NETO2: variants seen among roughly 807,000 people sequenced by gnomAD.
The protein encoded by NETO2 is neuropilin and tolloid like 2.
NETO2 carries 28 observed loss-of-function variants against 62.5 expected under a neutral mutation model. That is an observed-to-expected ratio of 0.45 (90% confidence interval 0.33 to 0.61). The LOEUF is 0.61. Ranked by LOEUF, NETO2 falls within the 20% of genes least tolerant of loss-of-function variation. The probability of loss-of-function intolerance (pLI) is 0.02; values close to 1 mark genes in which losing one functional copy is unlikely to be tolerated. For synonymous variants in NETO2, 214 were observed against 219.1 expected (o/e 0.98, Z 0.21); for missense variants, 548 against 643.2 (o/e 0.85, Z 1.60).
intron 1 of NETO2, among the ~76,000 whole-genome samples, chr16:47,143,085 G>A (rs1359926118): frequency 1.3e-5 from 2 of 151,978 alleles, no homozygotes; most frequent in Non-Finnish European, 2.9e-5. Context: ...CCCGTTCCCC[G>A]CCGCGAGGTG....
chr16:47,085,298 CAATT>C lies in NETO2; in HGVS notation c.997+924_997+927del, dbSNP rs373706344. ...CAGGCTAACCTCTAAATTATTTTGA[CAATT>C]AAATAAGGTATGTTTACAATACAAA... On this transcript the variant is annotated intron_variant, in intron 8 of 8. Coordinates refer to ENST00000562435, the MANE Select transcript of NETO2 (RefSeq NM_018092.5). Among the ~76,000 whole-genome samples, 166 of 151,978 alleles carry C rather than the reference CAATT, an allele frequency of 1.1e-3. 1 individual carries two copies. Among genetic ancestry groups the C allele is most frequent in the African/African-American group, 3.9e-3 (161 of 41,436 alleles).
chr16:47,086,120 A>C (rs976869400), intron 8 of NETO2, 106 bp downstream of exon 8: 29 of 754,772 alleles, frequency 3.8e-5, no homozygotes, highest in Non-Finnish European at 6.5e-5. Context: ...AAACAAACAA[A>C]AAGCAGCTAT....
At chr16:47,129,852 T>C (rs538307404) in intron 2 of NETO2, among the ~76,000 whole-genome samples, 5 of 152,306 alleles carry the variant, frequency 3.3e-5, no homozygotes, top group Non-Finnish European at 7.3e-5. Flanking sequence ...TAAAAGGATT[T>C]TTAAAAGGGT....
chr16:47,129,707 G>C (rs1047729247), intron 2 of NETO2, among the ~76,000 whole-genome samples: 1 of 152,212 alleles, frequency 6.6e-6, no homozygotes, highest in Non-Finnish European at 1.5e-5. Flanking sequence ...GCTGATCTCT[G>C]ATATGGGGCC....
chr16:47,130,839 A>G (rs1964250889), intron 2 of NETO2, among the ~76,000 whole-genome samples: 1 of 152,110 alleles, frequency 6.6e-6, no homozygotes, highest in South Asian at 2.1e-4. Flanking sequence ...TGCTTCAGAG[A>G]CTGTAGGACC....
In NETO2 at chr16:47,084,159, T is replaced by C. The variant is rs376358505; in HGVS notation, c.998-358A>G. On this transcript the variant is annotated intron_variant, in intron 8 of 8. Transcript: ENST00000562435. ...CTGCTTTATGGTAGGTTTGACCAAC[T>C]GCTGTGTTCAGGTATACCCGCATCT... 1.2e-4 allele frequency among the ~76,000 whole-genome samples: 18 copies of C among 152,344 alleles called. No homozygotes were observed. In the East Asian group the frequency reaches 1.7e-3, roughly 15 times the overall value.
chr16:47,137,296 G>C (rs991680929), intron 1 of NETO2, among the ~76,000 whole-genome samples: 12 of 152,188 alleles, frequency 7.9e-5, no homozygotes, highest in African/African-American at 2.9e-4. Context: ...TGATCCACTG[G>C]GTCTGAGGCA....
chr16:47,132,216 GAA>G (rs960964714), intron 1 of NETO2, among the ~76,000 whole-genome samples, 191 bp from the exon 2 acceptor site: 1 of 151,424 alleles, frequency 6.6e-6, no homozygotes, highest in African/African-American at 2.4e-5. Flanking sequence ...GATAACCCAA[GAA>G]AAGACAAGTG....
At chr16:47,120,097 G>A (rs1324167216) in intron 6 of NETO2, among the ~76,000 whole-genome samples, 1 of 152,150 alleles carries the variant, frequency 6.6e-6, no homozygotes, top group Non-Finnish European at 1.5e-5. Context: ...TTATGGATCT[G>A]TCAATTTTCC....
chr16:47,124,003 A>G (rs1964099699), intron 4 of NETO2, among the ~76,000 whole-genome samples: 1 of 152,192 alleles, frequency 6.6e-6, no homozygotes, highest in African/African-American at 2.4e-5. Flanking sequence ...GGACTGGAAA[A>G]TCTATTTCAA....
chr16:47,097,221 G>A (rs541574966), intron 7 of NETO2, among the ~76,000 whole-genome samples: 8 of 152,342 alleles, frequency 5.3e-5, no homozygotes, highest in African/African-American at 1.9e-4. Flanking sequence ...GCCAAGTGGT[G>A]TAGTTCAGCA....
At chr16:47,140,591 A>C (rs895500752) in intron 1 of NETO2, among the ~76,000 whole-genome samples, 2 of 152,250 alleles carry the variant, frequency 1.3e-5, no homozygotes, top group Non-Finnish European at 2.9e-5. Context: ...ATTTACTACA[A>C]AAAAACCATT....
At position 47,083,433 on chromosome 16, in the gene NETO2, A is replaced by T. The variant is rs2231983; in HGVS notation, c.1366T>A (p.Ser456Thr). The change falls in exon 9 of 9, where the codon TCC (serine) becomes ACC (threonine). Residue 456 changes from serine to threonine, a missense_variant. By Grantham distance (58) the Ser-to-Thr change is moderately conservative. Coordinates refer to ENST00000562435, the MANE Select transcript of NETO2 (RefSeq NM_018092.5). ...TCATTTCGGAAAGGAAGTTCCATGG[A>T]ACTGAGGTTGGTCCTGCTTTGTTTG... ...SVKQSRTNLS[S>T]MELPFRNDFA... The T allele has an allele frequency of 3.7e-3, 6,002 of 1,614,126 alleles. 195 individuals carry two copies. In the African/African-American group the frequency reaches 0.07, roughly 19 times the overall value.
At chr16:47,100,618 G>T (rs1397911064) in intron 7 of NETO2, among the ~76,000 whole-genome samples, 2 of 152,026 alleles carry the variant, frequency 1.3e-5, no homozygotes, top group Non-Finnish European at 2.9e-5. Context: ...TGATAAAGGA[G>T]ATATAATCAC....
chr16:47,103,860 T>C (rs759398484), intron 7 of NETO2, among the ~76,000 whole-genome samples: 23 of 152,042 alleles, frequency 1.5e-4, no homozygotes. Flanking sequence ...CAATTAACTA[T>C]GAATAGAAAA....
chr16:47,128,597 C>T (rs750770880), intron 3 of NETO2, 24 bp from the exon 4 acceptor site: 3 of 1,599,330 alleles, frequency 1.9e-6, no homozygotes, highest in Non-Finnish European at 2.6e-6. Flanking sequence ...GTAAGCAAAT[C>T]AGGACAACAC....
intron 7 of NETO2, among the ~76,000 whole-genome samples, chr16:47,087,196 T>C (rs1963211079): frequency 1.3e-5 from 2 of 152,076 alleles, no homozygotes; most frequent in Admixed American, 1.3e-4. Flanking sequence ...TGGCTAATTT[T>C]TGTATTTTTA....
In NETO2 at chr16:47,122,736, T is replaced by C; in HGVS notation, c.575A>G (p.Gln192Arg). ...TTTTGTTTTCTCCTCTTGTTCTACC[T>C]GACTAGAGCGCACTATTCCATCAGC... ...SGADGIVRSS[Q>R]VEQEEKTKPG... The change falls in exon 6 of 9, where the codon CAG becomes CGG. Residue 192 changes from glutamine to arginine, a missense_variant. By Grantham distance (43) the Gln-to-Arg change is conservative. Coordinates refer to ENST00000562435, the MANE Select transcript of NETO2 (RefSeq NM_018092.5). 1.2e-6 allele frequency: 2 copies of C among 1,614,134 alleles called. No individual in the cohort carries two copies. Among genetic ancestry groups the C allele is most frequent in the Non-Finnish European group, 1.7e-6 (2 of 1,180,006 alleles).
chr16:47,109,750 ATAT>A, intron 6 of NETO2, 39 bp from the exon 7 acceptor site: 1 of 1,408,064 alleles, frequency 7.1e-7, no homozygotes, highest in South Asian at 1.2e-5. Flanking sequence ...TTAAAAAGAT[ATAT>A]TAATTTGAAT....
Sources: allele counts gnomAD v4.1 joint callset (sites outside exome capture counted in the v4.1 genomes callset), GRCh38; gene constraint gnomAD v4.1.1; transcripts MANE v1.5; gene names NCBI Gene and HGNC (gene_info 2026-07-23, HGNC 2026-07-21).